KIF21A: variants seen among roughly 807,000 people sequenced by gnomAD.
KIF21A encodes kinesin family member 21A.
In KIF21A, 114 loss-of-function variants were observed where a neutral mutation model predicts 202.9. The ratio of observed to expected loss-of-function variants is 0.56; its 90% CI spans 0.48 to 0.66. KIF21A has a LOEUF of 0.66. Ranked by LOEUF, KIF21A falls within the 30% of genes least tolerant of loss-of-function variation. KIF21A has a pLI of 0.00. For synonymous variants in KIF21A, 667 were observed against 670.8 expected, an observed-to-expected ratio of 0.99 and a Z score of 0.09; for missense variants, 1,677 against 1,994.9, an observed-to-expected ratio of 0.84 and a Z score of 3.04.
chr12:39,391,988 T>C lies in KIF21A; in HGVS notation c.45-21727A>G, dbSNP rs141877945. On this transcript the variant is annotated intron_variant, in intron 1 of 37. Transcript: ENST00000361418. ...CTCCTGACCTCATGATCCACCCACC[T>C]CAGCCTCCCAAAGTGCTGGGATTAC... Among the ~76,000 whole-genome samples, 127 of 152,150 alleles carry C rather than the reference T, an allele frequency of 8.3e-4. 1 individual carries two copies. Among genetic ancestry groups the C allele is most frequent in the African/African-American group, 3.0e-3 (123 of 41,524 alleles).
At chr12:39,386,694 T>A (rs550058212) in intron 1 of KIF21A, among the ~76,000 whole-genome samples, 1 of 152,284 alleles carries the variant, frequency 6.6e-6, no homozygotes, top group South Asian at 2.1e-4. Context: ...AGAAATAACC[T>A]CAGCCTAAAT....
At chr12:39,396,211 A>G (rs990453887) in intron 1 of KIF21A, among the ~76,000 whole-genome samples, 1 of 152,136 alleles carries the variant, frequency 6.6e-6, no homozygotes, top group African/African-American at 2.4e-5. Flanking sequence ...TAAAAATCCT[A>G]TGGTAAATTT....
At chr12:39,418,779 A>C (rs1953995540) in intron 1 of KIF21A, among the ~76,000 whole-genome samples, 1 of 152,230 alleles carries the variant, frequency 6.6e-6, no homozygotes. Context: ...ATTACCAAAA[A>C]TGTAGCATTT....
At chr12:39,327,084 G>T (rs564132341) in intron 24 of KIF21A, among the ~76,000 whole-genome samples, 84 of 152,232 alleles carry the variant, frequency 5.5e-4, no homozygotes, top group Non-Finnish European at 1.1e-3. Context: ...TAACATAGGT[G>T]TAGGTTTTTT....
chr12:39,347,280 G>A (rs1254671396), intron 11 of KIF21A, among the ~76,000 whole-genome samples: 4 of 151,060 alleles, frequency 2.6e-5, no homozygotes, highest in African/African-American at 9.7e-5. Flanking sequence ...CTTTCCATTA[G>A]TAAGATTGTT....
At chr12:39,306,293 C>G (rs1943468201) in intron 34 of KIF21A, among the ~76,000 whole-genome samples, 1 of 152,172 alleles carries the variant, frequency 6.6e-6, no homozygotes, top group Admixed American at 6.5e-5. Flanking sequence ...TTTTCAAAAG[C>G]TGGTATCTTT....
chr12:39,323,006 C>T, intron 26 of KIF21A, 124 bp from the exon 27 acceptor site: 2 of 584,500 alleles, frequency 3.4e-6, no homozygotes, highest in African/African-American at 2.0e-5. Context: ...CCTAGGTGTG[C>T]CAAACATAGC....
chr12:39,388,233 C>T (rs1951089656), intron 1 of KIF21A, among the ~76,000 whole-genome samples: 1 of 152,116 alleles, frequency 6.6e-6, no homozygotes, highest in Non-Finnish European at 1.5e-5. Flanking sequence ...TCTGTAAGAA[C>T]TGATTGTTAA....
At position 39,333,226 on chromosome 12, in the gene KIF21A, G is replaced by C. The variant is rs751352937; in HGVS notation, c.2473C>G (p.Arg825Gly). 1.9e-6 allele frequency: 3 copies of C among 1,613,692 alleles called. No individual in the cohort carries two copies. The stretch of plus-strand genomic sequence containing the variant: ...GCTTACTGTACCTCTTCAGTTTTGC[G>C]ACGTAGAACCACTTCTTGGTTTCTT... ...QKRNQEVVLR[R>G]KTEEVTALRR... Residue 825 changes from arginine to glycine, a missense_variant, in exon 18 of 38, where the codon CGC becomes GGC. Around this residue, in one of 3 missense-constraint regions of KIF21A, gnomAD observed 966 missense variants for 1,180.9 expected, o/e 0.82. Coordinates refer to ENST00000361418, the MANE Select transcript of KIF21A (RefSeq NM_001173464.2).
chr12:39,319,821 G>C, intron 28 of KIF21A, 85 bp downstream of exon 28: 1 of 895,218 alleles, frequency 1.1e-6, no homozygotes, highest in Non-Finnish European at 1.8e-6. Flanking sequence ...CCTAAATCTG[G>C]AAAATAATTT....
chr12:39,403,170 T>C (rs1295131189), intron 1 of KIF21A, among the ~76,000 whole-genome samples: 5 of 152,234 alleles, frequency 3.3e-5, no homozygotes, highest in African/African-American at 1.2e-4. Context: ...CATTTACCCA[T>C]TTGTTCATTC....
At chr12:39,356,541 T>G in intron 10 of KIF21A, 1 of 261,892 alleles carries the variant, frequency 3.8e-6, no homozygotes, top group Middle Eastern at 1.2e-3. Flanking sequence ...CAAAGATAAC[T>G]TCAGCAACAT....
chr12:39,428,868 G>C (rs1430042753), intron 1 of KIF21A, among the ~76,000 whole-genome samples: 1 of 150,938 alleles, frequency 6.6e-6, no homozygotes, highest in African/African-American at 2.4e-5. Context: ...TGAGGCAGGA[G>C]AATCACTTGA....
At chr12:39,400,047 A>T (rs1952048219) in intron 1 of KIF21A, among the ~76,000 whole-genome samples, 1 of 152,210 alleles carries the variant, frequency 6.6e-6, no homozygotes, top group Non-Finnish European at 1.5e-5. Context: ...GCTCTTTGCT[A>T]ATAAGTGAAA....
rs774562432 is a variant in KIF21A, at chr12:39,351,940, G to A, written c.1510C>T (p.Arg504Ter). The A allele has an allele frequency of 1.2e-6, 2 of 1,613,264 alleles. No homozygotes were observed. Among genetic ancestry groups the A allele is most frequent in the East Asian group, 2.2e-5 (1 of 44,846 alleles). Residue 504 changes from arginine (R) to a stop codon, truncating the protein, a stop_gained, in exon 11 of 38, where the codon CGA (arginine) becomes TGA (stop). Transcript: ENST00000361418. LOFTEE classifies it high-confidence loss of function. ...LESEAVNENL[R>*]KNLTRATARA... ...GCTGTGGCTCTTGTCAAGTTTTTTC[G>A]AAGGTTCTCATTCACTGCTTCACTT... is the stretch of plus-strand genomic sequence containing the variant.
chr12:39,348,587 G>C (rs1948103513), intron 11 of KIF21A, among the ~76,000 whole-genome samples: 2 of 151,814 alleles, frequency 1.3e-5, no homozygotes, highest in Non-Finnish European at 2.9e-5. Context: ...TACATTGTCA[G>C]AGGCCCTATA....
chr12:39,294,106 A>C lies in KIF21A; in HGVS notation c.*318T>G. ...TCCAGGTGTGTTTTCTGACTGTCACAAAAGCAGACGTCTTGGTAATTCAAA... is the reference window on the plus strand; with the variant it reads ...TCCAGGTGTGTTTTCTGACTGTCACCAAAGCAGACGTCTTGGTAATTCAAA... On this transcript the variant is annotated 3_prime_UTR_variant, in exon 38 of 38. Coordinates refer to ENST00000361418, the MANE Select transcript of KIF21A (RefSeq NM_001173464.2). 3.8e-6 allele frequency: 1 copy of C among 266,272 alleles called. No homozygotes were observed. Among genetic ancestry groups the C allele is most frequent in the Non-Finnish European group, 7.3e-6 (1 of 137,780 alleles). The allele number at this position is 266,272 out of a possible 1,614,324, so 16.5% of individuals were successfully genotyped here. A position where few individuals can be genotyped will look rare whatever the true frequency, so the allele number is the denominator to read the frequency against.
chr12:39,361,788 G>A (rs1949253191), intron 7 of KIF21A, among the ~76,000 whole-genome samples: 1 of 152,138 alleles, frequency 6.6e-6, no homozygotes, highest in South Asian at 2.1e-4. Context: ...TCACAGGCAT[G>A]AGCCACTGCG....
intron 28 of KIF21A, among the ~76,000 whole-genome samples, chr12:39,318,666 T>C (rs1392991989): frequency 6.6e-6 from 1 of 152,084 alleles, no homozygotes; most frequent in African/African-American, 2.4e-5. Context: ...CATCTTTAAG[T>C]ACAGGAAGCA....
Sources: allele counts gnomAD v4.1 joint callset (sites outside exome capture counted in the v4.1 genomes callset), GRCh38; gene constraint gnomAD v4.1.1; regional missense constraint gnomAD v4.1.1; transcripts MANE v1.5; gene names NCBI Gene and HGNC (gene_info 2026-07-23, HGNC 2026-07-21).